The following SART3 variants were observed in gnomAD, a reference collection of about 807,000 sequenced individuals.
The protein encoded by SART3 is spliceosome associated factor 3, U4/U6 recycling protein.
In SART3, 44 loss-of-function variants were observed where a neutral mutation model predicts 122.3. The ratio of observed to expected loss-of-function variants is 0.36; its 90% CI spans 0.28 to 0.46. The LOEUF is 0.46. SART3 is among the 20% of genes least tolerant of loss of function. SART3 has a pLI of 1.00. For synonymous variants in SART3, 442 were observed against 454.0 expected, an observed-to-expected ratio of 0.97 and a Z score of 0.34; for missense variants, 1,101 against 1,229.0, an observed-to-expected ratio of 0.90 and a Z score of 1.56.
intron 7 of SART3, among the ~76,000 whole-genome samples, 199 bp from the exon 8 acceptor site, chr12:108,538,402 C>T: frequency 6.6e-6 from 1 of 152,170 alleles, no homozygotes; most frequent in East Asian, 1.9e-4. Flanking sequence ...TTAAAACAGC[C>T]TTAAAAGACG....
At chr12:108,542,420 T>C (rs1266587149) in intron 6 of SART3, among the ~76,000 whole-genome samples, 1 of 152,126 alleles carries the variant, frequency 6.6e-6, no homozygotes. Context: ...AGAGAAACTC[T>C]TTTTCATGTG....
intron 15 of SART3, among the ~76,000 whole-genome samples, chr12:108,528,729 G>A (rs998980173): frequency 6.6e-6 from 1 of 152,120 alleles, no homozygotes; most frequent in Non-Finnish European, 1.5e-5. Flanking sequence ...TATGAGAAGG[G>A]GAGGCAGGCA....
chr12:108,530,852 C>T lies in SART3; in HGVS notation c.1746+352G>A, dbSNP rs529020873. On this transcript the variant is annotated intron_variant, in intron 14 of 18. Coordinates refer to ENST00000546815, the MANE Select transcript of SART3 (RefSeq NM_014706.4). ...CAGCCTGGGCAACAGAGCGAGACTC[C>T]GTCTCAAAAAAAAAAAAATCCATAA... is the stretch of plus-strand genomic sequence containing the variant. Among the ~76,000 whole-genome samples, 658 of 147,708 alleles carry T rather than the reference C, an allele frequency of 4.5e-3. 4 individuals carry two copies. The highest frequency in any genetic ancestry group is 6.8e-3 in the Non-Finnish European group (461 of 67,528).
intron 12 of SART3, among the ~76,000 whole-genome samples, chr12:108,534,727 T>C (rs2136672250): frequency 6.6e-6 from 1 of 152,290 alleles, no homozygotes; most frequent in East Asian, 1.9e-4. Flanking sequence ...TTTTTGTAAA[T>C]ATTCTAATTT....
chr12:108,551,423 T>TAAAA (rs1219900920), intron 1 of SART3, among the ~76,000 whole-genome samples: 1 of 152,122 alleles, frequency 6.6e-6, no homozygotes, highest in Non-Finnish European at 1.5e-5. Flanking sequence ...CAGCAACTGA[T>TAAAA]AAAACTACTA....
intron 14 of SART3, among the ~76,000 whole-genome samples, chr12:108,530,807 G>A (rs1445615005): frequency 7.9e-5 from 12 of 151,846 alleles, no homozygotes; most frequent in South Asian, 2.1e-4. Context: ...GCAGTGAGCC[G>A]AGATCATGCC....
chr12:108,537,014 G>T (rs180914199), intron 9 of SART3: 13 of 532,716 alleles, frequency 2.4e-5, no homozygotes, highest in Middle Eastern at 5.2e-4. Flanking sequence ...AGGGTGCTGT[G>T]GGGGGGAGTC....
At chr12:108,535,244 A>G (rs56210595) in intron 12 of SART3, 115 bp downstream of exon 12, 68,590 of 815,618 alleles carry the variant, frequency 0.084, 3,605 homozygotes, top group Non-Finnish European at 0.11. Context: ...AGACAGAATG[A>G]AAGAAAACAG....
intron 1 of SART3, among the ~76,000 whole-genome samples, chr12:108,551,465 G>T (rs560298842): frequency 1.3e-5 from 2 of 151,962 alleles, no homozygotes; most frequent in Non-Finnish European, 2.9e-5. Flanking sequence ...TGGTCAAAAA[G>T]AAGATGAATA....
intron 4 of SART3, chr12:108,544,932 C>A: frequency 6.3e-6 from 4 of 631,190 alleles, no homozygotes; most frequent in Non-Finnish European, 1.1e-5. Context: ...AAAATTTATA[C>A]GACCTCTTCC....
In SART3 at chr12:108,526,112, T is replaced by A; in HGVS notation, c.2357A>T (p.Asn786Ile). The change falls in exon 16 of 19, where the codon AAC (asparagine) becomes ATC (isoleucine). Residue 786 changes from asparagine to isoleucine, a missense_variant. Physicochemically the swap from Asn to Ile is moderately radical, Grantham distance 149. Transcript: ENST00000546815. ...CCATAAACCTACCTTAAAATCGGGGTTTTTGCTCTTATCCACACAGGGGGA... is the reference window on the plus strand; with the variant it reads ...CCATAAACCTACCTTAAAATCGGGGATTTTGCTCTTATCCACACAGGGGGA... ...FVSPCVDKSK[N>I]PDFKVFRYST... 6.2e-7 allele frequency: 1 copy of A among 1,613,382 alleles called. No individual in the cohort carries two copies. Among genetic ancestry groups the A allele is most frequent in the South Asian group, 1.1e-5 (1 of 91,052 alleles).
Position 108,523,282 on chromosome 12 carries a change from C to G in SART3, c.*175G>C, listed in dbSNP as rs1872208822. ...TGCCACTGCCCTCAATATGAGGGAG[C>G]ACTGAAAGGCTCTTGACTTAGAACC... is the stretch of plus-strand genomic sequence containing the variant. On this transcript the variant is annotated 3_prime_UTR_variant, in exon 19 of 19. Transcript: ENST00000546815. The G allele has an allele frequency of 1.4e-6, 1 of 695,570 alleles. No individual in the cohort carries two copies. Among genetic ancestry groups the G allele is most frequent in the Non-Finnish European group, 2.5e-6 (1 of 392,244 alleles). The allele number at this position is 695,570 out of a possible 1,614,324, so 43.1% of individuals were successfully genotyped here. A position where few individuals can be genotyped will look rare whatever the true frequency, so the allele number is the denominator to read the frequency against.
intron 14 of SART3, 86 bp downstream of exon 14, chr12:108,531,118 G>A: frequency 9.9e-7 from 1 of 1,005,160 alleles, no homozygotes; most frequent in Non-Finnish European, 1.6e-6. Flanking sequence ...TTAGGAAAAT[G>A]TAAAACATCT....
At position 108,526,582 on chromosome 12, in the gene SART3, T is replaced by C. The variant is rs770905913; in HGVS notation, c.1916-29A>G. On this transcript the variant is annotated intron_variant, in intron 15 of 18. Transcript: ENST00000546815. ...CAGGTTTTCAAAAGAAAAGTAGCCA[T>C]GGTTAACTGTTACTTCTCTTCAGGG... is the stretch of plus-strand genomic sequence containing the variant. 7 of 1,608,476 alleles carry C rather than the reference T, an allele frequency of 4.4e-6. No individual in the cohort carries two copies. The Admixed American group carries it at 8.3e-5, about 19-fold the overall frequency.
chr12:108,523,923 C>A lies in SART3; in HGVS notation c.2715-289G>T, dbSNP rs1274096099. The A allele has an allele frequency of 1.7e-5, 10 of 573,564 alleles. No homozygotes were observed. In the Admixed American group the frequency reaches 3.0e-4, roughly 17 times the overall value. 35.5% of individuals were successfully genotyped at this position (573,564 alleles called of 1,614,324 possible). A position where few individuals can be genotyped will look rare whatever the true frequency, so the allele number is the denominator to read the frequency against. ...CCTCACCAGTCACCTGGCAATTCTG[C>A]TATCTCCTCCTCATCCCAAACCAGC... On this transcript the variant is annotated intron_variant, in intron 18 of 18. Transcript: ENST00000546815.
At chr12:108,550,355 A>C (rs2029956039) in intron 1 of SART3, among the ~76,000 whole-genome samples, 1 of 152,190 alleles carries the variant, frequency 6.6e-6, no homozygotes, top group South Asian at 2.1e-4. Flanking sequence ...AGCTTTCTAA[A>C]TCATATGTAA....
Position 108,525,422 on chromosome 12 carries a change from C to T in SART3, c.2523+35G>A, listed in dbSNP as rs181438059. On this transcript the variant is annotated intron_variant, in intron 17 of 18. Coordinates refer to ENST00000546815, the MANE Select transcript of SART3 (RefSeq NM_014706.4). Reference sequence around the variant, plus strand: ...ATACAGAAACGAAGTTTGCCCAAGCCTTGAAGACAAGGCACAATCTGCTCT... The same window carrying T: ...ATACAGAAACGAAGTTTGCCCAAGCTTTGAAGACAAGGCACAATCTGCTCT... The T allele has an allele frequency of 1.4e-5, 22 of 1,613,524 alleles. No individual in the cohort carries two copies. The East Asian group carries it at 3.8e-4, about 28-fold the overall frequency.
At chr12:108,529,202 C>T (rs898451753) in intron 15 of SART3, among the ~76,000 whole-genome samples, 4 of 152,090 alleles carry the variant, frequency 2.6e-5, no homozygotes, top group Non-Finnish European at 2.9e-5. Context: ...GGTGTTAGAC[C>T]GGAACTGGAG....
Position 108,537,014 on chromosome 12 carries a change from G to C in SART3, c.1310-229C>G, listed in dbSNP as rs180914199. ...GAAAAAGGCAAACACAGGGTGCTGT[G>C]GGGGGGAGTCTCCCCCAGCTGGGGT... On this transcript the variant is annotated intron_variant, in intron 9 of 18. Coordinates refer to ENST00000546815, the MANE Select transcript of SART3 (RefSeq NM_014706.4). The C allele has an allele frequency of 9.9e-3, 5,266 of 532,794 alleles. 38 individuals carry two copies. The highest frequency in any genetic ancestry group is 0.014 in the Admixed American group (452 of 32,996). 33.0% of individuals were successfully genotyped at this position (532,794 alleles called of 1,614,324 possible). A position where few individuals can be genotyped will look rare whatever the true frequency, so the allele number is the denominator to read the frequency against.
Sources: allele counts gnomAD v4.1 joint callset (sites outside exome capture counted in the v4.1 genomes callset), GRCh38; gene constraint gnomAD v4.1.1; transcripts MANE v1.5; gene names NCBI Gene and HGNC (gene_info 2026-07-23, HGNC 2026-07-21).